COMMD1: variants seen among roughly 807,000 people sequenced by gnomAD.
COMMD1 encodes COMM domain-containing protein 1.
A neutral mutation model predicts 17.2 loss-of-function variants in COMMD1; 10 were observed. The ratio of observed to expected loss-of-function variants is 0.58; its 90% CI spans 0.36 to 0.99. The LOEUF is 0.99. COMMD1 is among the 50% of genes least tolerant of loss of function. COMMD1 has a pLI of 0.01. For missense variants in COMMD1, 270 were observed against 231.8 expected, an observed-to-expected ratio of 1.17 and a Z score of -1.07; for synonymous variants, 97 against 91.6, an observed-to-expected ratio of 1.06 and a Z score of -0.34.
chr2:62,027,896 GCC>G (rs1669808718), intron 2 of COMMD1, among the ~76,000 whole-genome samples: 1 of 151,964 alleles, frequency 6.6e-6, no homozygotes, highest in Admixed American at 6.6e-5. Context: ...CAAGTGATCT[GCC>G]CACCTTGACC....
intron 1 of COMMD1, among the ~76,000 whole-genome samples, chr2:61,893,640 C>G (rs1553364757): frequency 6.6e-6 from 1 of 152,018 alleles, no homozygotes; most frequent in Non-Finnish European, 1.5e-5. Flanking sequence ...GTGGTGAAAC[C>G]CTGTCTCTAC....
intron 1 of COMMD1, among the ~76,000 whole-genome samples, chr2:61,927,571 T>G (rs1325472528): frequency 6.6e-6 from 1 of 152,062 alleles, no homozygotes; most frequent in African/African-American, 2.4e-5. Flanking sequence ...TAATTTTTTT[T>G]GTATTTTTAG....
chr2:61,954,639 T>C (rs916358898), intron 1 of COMMD1, among the ~76,000 whole-genome samples: 1 of 152,026 alleles, frequency 6.6e-6, no homozygotes. Context: ...AGGATAGTAT[T>C]ACTCTAGAGG....
chr2:61,888,562 T>TGGCC (rs1669319183), upstream of COMMD1: 1 of 1,582,614 alleles, frequency 6.3e-7, no homozygotes, highest in African/African-American at 1.3e-5. Context: ...ACCCGGATTC[T>TGGCC]GGCCGGCCGC....
chr2:62,057,340 A>G (rs1670734036), intron 2 of COMMD1, among the ~76,000 whole-genome samples: 1 of 152,184 alleles, frequency 6.6e-6, no homozygotes, highest in African/African-American at 2.4e-5. Context: ...ATATATGTGC[A>G]TATATCTGTG....
intron 1 of COMMD1, among the ~76,000 whole-genome samples, chr2:61,943,258 A>T (rs1191856417): frequency 2.0e-5 from 3 of 152,218 alleles, no homozygotes; most frequent in African/African-American, 7.2e-5. Flanking sequence ...AAAACCTGGC[A>T]TGCCCTTCCA....
chr2:62,076,981 A>C (rs1298385720), intron 2 of COMMD1, among the ~76,000 whole-genome samples: 6 of 152,114 alleles, frequency 3.9e-5, no homozygotes, highest in South Asian at 2.1e-4. Flanking sequence ...AAAATAAAAA[A>C]TTAGCCTGGC....
chr2:61,993,098 A>G (rs548509157), intron 1 of COMMD1, among the ~76,000 whole-genome samples: 3 of 152,318 alleles, frequency 2.0e-5, no homozygotes, highest in South Asian at 2.1e-4. Flanking sequence ...GAAGCAAGTA[A>G]TAGTCAGCCA....
intron 1 of COMMD1, among the ~76,000 whole-genome samples, chr2:61,971,856 C>CAT (rs1373839470): frequency 6.6e-6 from 1 of 152,082 alleles, no homozygotes; most frequent in Non-Finnish European, 1.5e-5. Flanking sequence ...AGCGGTGGCT[C>CAT]ATGCCTGTAA....
At chr2:61,939,120 A>G (rs1473118355) in intron 1 of COMMD1, among the ~76,000 whole-genome samples, 4 of 152,098 alleles carry the variant, frequency 2.6e-5, no homozygotes, top group Non-Finnish European at 5.9e-5. Context: ...TTTTAGGCTT[A>G]TTATACTTTG....
At chr2:61,905,976 C>T (rs940458510) in intron 1 of COMMD1, 118 bp downstream of exon 1, 19 of 988,112 alleles carry the variant, frequency 1.9e-5, no homozygotes, top group Non-Finnish European at 2.8e-5. Flanking sequence ...CCCTCTCAGA[C>T]CTCCACTCCG....
chr2:62,133,111 C>T (rs975525168), intron 2 of COMMD1, among the ~76,000 whole-genome samples: 2 of 152,210 alleles, frequency 1.3e-5, no homozygotes, highest in Non-Finnish European at 2.9e-5. Flanking sequence ...GCACTTCTCT[C>T]CTATCCAAAT....
At chr2:61,893,736 C>T (rs920842941) in intron 1 of COMMD1, among the ~76,000 whole-genome samples, 3 of 151,926 alleles carry the variant, frequency 2.0e-5, no homozygotes. Flanking sequence ...ATTGCTTGAA[C>T]CTGGCAGGCG....
At chr2:62,106,241 T>C (rs578074331) in intron 2 of COMMD1, among the ~76,000 whole-genome samples, 1 of 152,370 alleles carries the variant, frequency 6.6e-6, no homozygotes, top group South Asian at 2.1e-4. Flanking sequence ...CACATGTACA[T>C]CATTTTTAAT....
At chr2:62,125,694 G>T (rs536408749) in intron 2 of COMMD1, among the ~76,000 whole-genome samples, 24 of 152,150 alleles carry the variant, frequency 1.6e-4, no homozygotes, top group Non-Finnish European at 3.2e-4. Flanking sequence ...ACTATCCATT[G>T]TATAAGAACA....
At chr2:62,003,605 TACACAC>T (rs57628894) in intron 2 of COMMD1, among the ~76,000 whole-genome samples, 100 of 146,260 alleles carry the variant, frequency 6.8e-4, no homozygotes, top group Middle Eastern at 3.6e-3. Context: ...CAGATATTTT[TACACAC>T]ACACACACAC....
intron 1 of COMMD1, among the ~76,000 whole-genome samples, chr2:61,973,856 T>C (rs1240632499): frequency 6.6e-6 from 1 of 152,242 alleles, no homozygotes; most frequent in African/African-American, 2.4e-5. Flanking sequence ...TGTATACCTA[T>C]ATAATCCACA....
chr2:62,015,370 C>G (rs1197367626), intron 2 of COMMD1, among the ~76,000 whole-genome samples: 1 of 152,194 alleles, frequency 6.6e-6, no homozygotes, highest in South Asian at 2.1e-4. Flanking sequence ...CTTTTAAAGG[C>G]TGAATAATAT....
intron 1 of COMMD1, among the ~76,000 whole-genome samples, chr2:61,917,816 C>T (rs1258972364): frequency 2.6e-5 from 4 of 152,208 alleles, no homozygotes; most frequent in African/African-American, 4.8e-5. Context: ...CAGGCGTGAG[C>T]CACTGCGCCC....
Sources: allele counts gnomAD v4.1 joint callset (sites outside exome capture counted in the v4.1 genomes callset), GRCh38; gene constraint gnomAD v4.1.1; transcripts MANE v1.5; gene names NCBI Gene and HGNC (gene_info 2026-07-23, HGNC 2026-07-21).